The following PHACTR1 variants were observed in gnomAD, a reference collection of about 807,000 sequenced individuals.
PHACTR1 encodes RPEL repeat containing 1.
Under a neutral mutation model 69.2 loss-of-function variants are expected in PHACTR1, and 16 were observed. The observed-to-expected ratio is 0.23, with a 90% CI of 0.16 to 0.35. The LOEUF (loss-of-function observed/expected upper bound fraction) is 0.35. Ranked by LOEUF, PHACTR1 falls within the 10% of genes least tolerant of loss-of-function variation. The pLI is 1.00. For missense variants in PHACTR1, 510 were observed against 734.7 expected, an observed-to-expected ratio of 0.69 and a Z score of 3.54; for synonymous variants, 312 against 284.5, an observed-to-expected ratio of 1.10 and a Z score of -0.97.
At chr6:12,789,791 T>C (rs1291730846) in intron 4 of PHACTR1, among the ~76,000 whole-genome samples, 1 of 151,860 alleles carries the variant, frequency 6.6e-6, no homozygotes, top group Middle Eastern at 3.2e-3. Context: ...TTATTATTAT[T>C]ATACTTTAAG....
chr6:13,157,439 C>CT (rs1220857808), intron 5 of PHACTR1, among the ~76,000 whole-genome samples: 2 of 152,226 alleles, frequency 1.3e-5, no homozygotes, highest in Non-Finnish European at 2.9e-5. Flanking sequence ...CGATGGCTGT[C>CT]TCTTTGGTCA....
intron 4 of PHACTR1, among the ~76,000 whole-genome samples, chr6:13,015,073 C>G (rs926746045): frequency 1.3e-5 from 2 of 152,188 alleles, no homozygotes; most frequent in African/African-American, 4.8e-5. Context: ...CGTCTCCATG[C>G]CTGACACGCA....
rs766975860 is a variant in PHACTR1 at position 13,286,129 on chromosome 6, G to C, written c.1651-17G>C. ...TCTCTCTCCCATTGCACATTGATGG[G>C]CTTCTGTTGATTCCAGGCTGCCATC... is the stretch of plus-strand genomic sequence containing the variant. On this transcript the variant is annotated splice_polypyrimidine_tract_variant and intron_variant, in intron 13 of 14. Transcript: ENST00000332995. The C allele has an allele frequency of 6.3e-7, 1 of 1,589,838 alleles. No homozygotes were observed. Among genetic ancestry groups the C allele is most frequent in the Non-Finnish European group, 8.5e-7 (1 of 1,170,076 alleles).
intron 10 of PHACTR1, among the ~76,000 whole-genome samples, chr6:13,255,962 G>T (rs892390731): frequency 6.6e-6 from 1 of 152,190 alleles, no homozygotes; most frequent in African/African-American, 2.4e-5. Flanking sequence ...CTGTGGGGGG[G>T]GCTCCAACCC....
intron 7 of PHACTR1, among the ~76,000 whole-genome samples, chr6:13,204,009 A>G (rs1765571058): frequency 6.6e-6 from 1 of 152,208 alleles, no homozygotes; most frequent in African/African-American, 2.4e-5. Flanking sequence ...GGGCCACCAA[A>G]TAAGTAGAAT....
At chr6:12,903,703 A>G (rs535697756) in intron 4 of PHACTR1, among the ~76,000 whole-genome samples, 1 of 152,370 alleles carries the variant, frequency 6.6e-6, no homozygotes, top group Non-Finnish European at 1.5e-5. Context: ...AAATATGTCT[A>G]TGCCCTTGAG....
rs1344179716 is a variant in PHACTR1, at chr6:12,860,445, T to G, written c.250+110655T>G. On this transcript the variant is annotated intron_variant, in intron 4 of 14. Coordinates refer to ENST00000332995, the MANE Select transcript of PHACTR1 (RefSeq NM_030948.6). ...AAGTCTTTGCTATTGTGAATAGTGC[T>G]GCAATAAACATACATGTGCATGCGT... 2.0e-5 allele frequency among the ~76,000 whole-genome samples: 3 copies of G among 152,306 alleles called. No individual in the cohort carries two copies. In the East Asian group the frequency reaches 5.8e-4, roughly 29 times the overall value.
intron 4 of PHACTR1, among the ~76,000 whole-genome samples, chr6:13,014,380 T>C (rs762465932): frequency 3.3e-5 from 5 of 152,186 alleles, no homozygotes; most frequent in Non-Finnish European, 7.4e-5. Flanking sequence ...AATGAGGGTT[T>C]TGAAACAGTT....
rs200660029 is a variant in PHACTR1, at chr6:13,025,679, G to GTA, written c.251-27685_251-27684insAT. Among the ~76,000 whole-genome samples the GTA allele has an allele frequency of 3.5e-4, 53 of 150,688 alleles. 1 individual carries two copies. The highest frequency in any genetic ancestry group is 1.2e-3 in the African/African-American group (50 of 40,634). On this transcript the variant is annotated intron_variant, in intron 4 of 14. Transcript: ENST00000332995. ...GATAAGTCATATATTATTTGTGTGT[G>GTA]TGTGTGTGTGTGTGTGTGTGTGTGT...
At chr6:12,994,060 G>C (rs1207749834) in intron 4 of PHACTR1, among the ~76,000 whole-genome samples, 2 of 151,950 alleles carry the variant, frequency 1.3e-5, no homozygotes, top group Non-Finnish European at 2.9e-5. Flanking sequence ...GAGCCACAGT[G>C]AAAAAGAAAC....
chr6:13,170,265 T>C (rs1760401297), intron 6 of PHACTR1, among the ~76,000 whole-genome samples: 1 of 152,230 alleles, frequency 6.6e-6, no homozygotes, highest in Non-Finnish European at 1.5e-5. Context: ...CCTCTAATTT[T>C]GACAAATGTT....
chr6:13,148,263 A>G (rs1411495908), intron 5 of PHACTR1, among the ~76,000 whole-genome samples: 1 of 151,302 alleles, frequency 6.6e-6, no homozygotes, highest in African/African-American at 2.4e-5. Context: ...CTATAATTGC[A>G]TTGCCATCAC....
chr6:13,270,155 T>G (rs185419402), intron 10 of PHACTR1, among the ~76,000 whole-genome samples: 1 of 152,358 alleles, frequency 6.6e-6, no homozygotes, highest in Non-Finnish European at 1.5e-5. Context: ...AATAATTTGC[T>G]AAGACAGCTC....
chr6:12,926,956 G>C (rs1788337386), intron 4 of PHACTR1, among the ~76,000 whole-genome samples: 1 of 152,182 alleles, frequency 6.6e-6, no homozygotes, highest in African/African-American at 2.4e-5. Flanking sequence ...ATTTCTGCCA[G>C]CTCCTGCAAG....
chr6:13,258,765 C>T (rs185408932), intron 10 of PHACTR1, among the ~76,000 whole-genome samples: 267 of 152,256 alleles, frequency 1.8e-3, no homozygotes, highest in African/African-American at 6.0e-3. Flanking sequence ...CCAAAGGTAC[C>T]TGGTAGAGCT....
Position 12,718,921 on chromosome 6 carries a change from T to C in PHACTR1, c.103+74T>C, listed in dbSNP as rs892987453. On this transcript the variant is annotated intron_variant, in intron 3 of 14. Transcript: ENST00000332995. ...TATGAACAGCCATGTAGGCTGTAGC[T>C]GTTAAAGCCTTGCTCTGAAAGTTTA... The C allele has an allele frequency of 9.8e-6, 8 of 820,384 alleles. No individual in the cohort carries two copies. The South Asian group carries it at 1.7e-4, about 17-fold the overall frequency. The allele number at this position is 820,384 out of a possible 1,614,324, so 50.8% of individuals were successfully genotyped here. A position where few individuals can be genotyped will look rare whatever the true frequency, so the allele number is the denominator to read the frequency against.
At chr6:13,070,636 G>A (rs576199949) in intron 5 of PHACTR1, among the ~76,000 whole-genome samples, 1 of 152,260 alleles carries the variant, frequency 6.6e-6, no homozygotes, top group East Asian at 1.9e-4. Flanking sequence ...GAGTGAAAAG[G>A]TTAAGATGTA....
chr6:13,000,566 AAG>A (rs1229265584), intron 4 of PHACTR1, among the ~76,000 whole-genome samples: 1 of 142,032 alleles, frequency 7.0e-6, no homozygotes, highest in African/African-American at 2.6e-5. Context: ...GAGAGAGACA[AAG>A]AGAGAGTGGG....
chr6:12,868,671 T>G (rs574555173), intron 4 of PHACTR1, among the ~76,000 whole-genome samples: 3 of 152,286 alleles, frequency 2.0e-5, no homozygotes, highest in African/African-American at 7.2e-5. Context: ...TGTCAAATTC[T>G]TTCTTACTAC....
Sources: allele counts gnomAD v4.1 joint callset (sites outside exome capture counted in the v4.1 genomes callset), GRCh38; gene constraint gnomAD v4.1.1; transcripts MANE v1.5; gene names NCBI Gene and HGNC (gene_info 2026-07-23, HGNC 2026-07-21).